Variants in NRG1 observed in about 807,000 individuals in gnomAD.
NRG1 encodes neuregulin 1, also known as pro-neuregulin-1, membrane-bound isoform.
In NRG1, 18 loss-of-function variants were observed where a neutral mutation model predicts 63.8. That is an observed-to-expected ratio of 0.28 (90% CI 0.19 to 0.42). NRG1 has a LOEUF of 0.42. Among genes scored for constraint, NRG1 ranks in the 10% least tolerant of loss-of-function variants. The probability of loss-of-function intolerance (pLI) is 1.00; values close to 1 mark genes in which losing one functional copy is unlikely to be tolerated. For synonymous variants in NRG1, 302 were observed against 301.3 expected (o/e 1.00, Z -0.02); for missense variants, 762 against 814.7 (o/e 0.94, Z 0.79).
intron 1 of NRG1, among the ~76,000 whole-genome samples, chr8:32,166,980 T>G (rs1443682417): frequency 6.6e-6 from 1 of 152,196 alleles, no homozygotes. Context: ...AAAAGTTCCC[T>G]CTTTATCTTC....
chr8:32,559,463 T>G (rs1835924984), intron 1 of NRG1, among the ~76,000 whole-genome samples: 1 of 152,134 alleles, frequency 6.6e-6, no homozygotes, highest in African/African-American at 2.4e-5. Context: ...CTGGTCACTC[T>G]AGAAAATAAG....
chr8:31,794,271 G>T (rs1410981423), intron 1 of NRG1, among the ~76,000 whole-genome samples: 2 of 151,982 alleles, frequency 1.3e-5, no homozygotes, highest in Non-Finnish European at 2.9e-5. Context: ...TTATGGACAG[G>T]GATAGACCTT....
intron 1 of NRG1, among the ~76,000 whole-genome samples, chr8:32,035,145 CTGTT>C (rs763335260): frequency 6.6e-6 from 1 of 151,920 alleles, no homozygotes; most frequent in African/African-American, 2.4e-5. Context: ...GATATGTTGT[CTGTT>C]TGTTCTCACT....
At chr8:32,761,748 A>G (rs1210812098) in intron 11 of NRG1, among the ~76,000 whole-genome samples, 1 of 152,022 alleles carries the variant, frequency 6.6e-6, no homozygotes, top group Non-Finnish European at 1.5e-5. Flanking sequence ...TACTTACAAT[A>G]AAAAATGACA....
intron 1 of NRG1, among the ~76,000 whole-genome samples, chr8:32,489,527 C>T (rs1465230128): frequency 2.0e-5 from 3 of 152,156 alleles, no homozygotes; most frequent in Non-Finnish European, 2.9e-5. Context: ...TCCTGCTCTG[C>T]TCATGTCTGC....
At position 32,715,472 on chromosome 8, in the gene NRG1, T is replaced by C. The variant is rs142043149; in HGVS notation, c.503-12477T>C. ...CCTCCAGACAGAAAAGGTCTCCCAC[T>C]GGTGACTGATTTCTATTCAGAGACA... On this transcript the variant is annotated intron_variant, in intron 5 of 11. Transcript: ENST00000356819. Among the ~76,000 whole-genome samples the C allele has an allele frequency of 4.6e-3, 698 of 152,272 alleles. 6 individuals carry two copies. The highest frequency in any genetic ancestry group is 0.016 in the African/African-American group (659 of 41,574).
At chr8:31,665,306 C>T (rs1007501300) in intron 1 of NRG1, among the ~76,000 whole-genome samples, 2 of 152,194 alleles carry the variant, frequency 1.3e-5, no homozygotes, top group African/African-American at 4.8e-5. Flanking sequence ...CAAACCCATC[C>T]TATTCCAGTA....
intron 5 of NRG1, among the ~76,000 whole-genome samples, chr8:32,725,610 G>A (rs1486703730): frequency 1.3e-5 from 2 of 150,806 alleles, no homozygotes; most frequent in Non-Finnish European, 2.9e-5. Context: ...TGAGTAGTTG[G>A]GATTACAGGG....
intron 1 of NRG1, among the ~76,000 whole-genome samples, chr8:31,905,126 A>T (rs1832415771): frequency 6.6e-6 from 1 of 152,130 alleles, no homozygotes; most frequent in African/African-American, 2.4e-5. Context: ...ATAGGACAGT[A>T]GTATTGAGAA....
At chr8:32,105,489 G>C (rs368833698) in intron 1 of NRG1, among the ~76,000 whole-genome samples, 1 of 152,080 alleles carries the variant, frequency 6.6e-6, no homozygotes, top group Non-Finnish European at 1.5e-5. Context: ...GCATGGCAAA[G>C]ACCCGCCACC....
At chr8:31,702,613 T>C (rs560773271) in intron 1 of NRG1, among the ~76,000 whole-genome samples, 167 of 152,276 alleles carry the variant, frequency 1.1e-3, no homozygotes, top group Admixed American at 2.1e-3. Context: ...GCTACAAGCA[T>C]GCTTAGCAGT....
chr8:32,013,528 A>G (rs1815061938), intron 1 of NRG1, among the ~76,000 whole-genome samples: 1 of 152,140 alleles, frequency 6.6e-6, no homozygotes, highest in Non-Finnish European at 1.5e-5. Flanking sequence ...CCAGTATGAA[A>G]TGAAGGCAGG....
At chr8:32,111,673 G>C (rs963987356) in intron 1 of NRG1, among the ~76,000 whole-genome samples, 1 of 152,156 alleles carries the variant, frequency 6.6e-6, no homozygotes, top group Non-Finnish European at 1.5e-5. Context: ...TCATCTTTGA[G>C]TCCTCAGTAT....
intron 1 of NRG1, among the ~76,000 whole-genome samples, chr8:31,713,015 A>G (rs56090993): frequency 8.6e-6 from 1 of 116,906 alleles, no homozygotes; most frequent in African/African-American, 3.1e-5. Context: ...CCATCCATCC[A>G]TCCATCCATC....
chr8:31,782,869 A>G (rs1214513728), intron 1 of NRG1, among the ~76,000 whole-genome samples: 1 of 152,158 alleles, frequency 6.6e-6, no homozygotes, highest in Non-Finnish European at 1.5e-5. Flanking sequence ...CTAAGATTGC[A>G]CTTTGAGGAG....
At chr8:31,828,488 C>G (rs532037196) in intron 1 of NRG1, among the ~76,000 whole-genome samples, 2 of 152,232 alleles carry the variant, frequency 1.3e-5, no homozygotes, top group East Asian at 1.9e-4. Context: ...CTTTCATGCT[C>G]GACTGGGTCC....
chr8:31,846,670 C>T (rs928747753), intron 1 of NRG1, among the ~76,000 whole-genome samples: 13 of 152,136 alleles, frequency 8.5e-5, no homozygotes, highest in Admixed American at 3.3e-4. Flanking sequence ...GGAGTGCACA[C>T]AATGCTGTAG....
At chr8:32,284,489 G>GCCTTCCTTCATTCCTTCCTT (rs1554497420) in intron 1 of NRG1, among the ~76,000 whole-genome samples, 34 of 132,522 alleles carry the variant, frequency 2.6e-4, no homozygotes, top group African/African-American at 1.0e-3. Flanking sequence ...CTGCCTGCCT[G>GCCTTCCTTCATTCCTTCCTT]CCTTCCTTCC....
intron 1 of NRG1, among the ~76,000 whole-genome samples, chr8:32,532,035 G>T (rs1831503006): frequency 6.6e-6 from 1 of 152,124 alleles, no homozygotes; most frequent in Non-Finnish European, 1.5e-5. Context: ...TAGAATTTAT[G>T]GTTTCTCTAT....
Sources: gnomAD v4.1 joint callset for allele counts (sites outside exome capture counted in the v4.1 genomes callset) on GRCh38, gnomAD v4.1.1 for gene constraint, MANE v1.5 for transcripts, NCBI Gene and HGNC (gene_info 2026-07-23, HGNC 2026-07-21) for gene names.